NAALADL2: variants seen among roughly 807,000 people sequenced by gnomAD.
The protein encoded by NAALADL2 is N-acetylated alpha-linked acidic dipeptidase like 2, also known as inactive N-acetylated-alpha-linked acidic dipeptidase-like protein 2.
Under a neutral mutation model 87.2 loss-of-function variants are expected in NAALADL2, and 76 were observed. The ratio of observed to expected loss-of-function variants is 0.87; its 90% CI spans 0.72 to 1.05. The LOEUF (loss-of-function observed/expected upper bound fraction) is 1.05, where lower values mean the gene tolerates loss of function less well. NAALADL2 is among the 50% of genes least tolerant of loss of function. The probability of loss-of-function intolerance (pLI) is 0.00; values close to 1 mark genes in which losing one functional copy is unlikely to be tolerated. For synonymous variants in NAALADL2, 354 were observed against 331.0 expected, an observed-to-expected ratio of 1.07 and a Z score of -0.75; for missense variants, 1,089 against 945.8, an observed-to-expected ratio of 1.15 and a Z score of -1.99.
At chr3:175,423,103 A>C (rs984270437) in intron 5 of NAALADL2, among the ~76,000 whole-genome samples, 4 of 144,936 alleles carry the variant, frequency 2.8e-5, no homozygotes, top group Non-Finnish European at 6.0e-5. Context: ...TTTAGCTTTT[A>C]AAAAGATTTG....
In NAALADL2 at chr3:175,338,622, AACACACACACAC is replaced by A. The variant is rs202022603; in HGVS notation, c.1090+14327_1090+14338del. 3.8e-3 allele frequency among the ~76,000 whole-genome samples: 333 copies of A among 88,466 alleles called. 3 individuals are homozygous for A. The highest frequency in any genetic ancestry group is 0.016 in the East Asian group (43 of 2,730). 58.0% of individuals were successfully genotyped at this position (88,466 alleles called of 152,430 possible). On this transcript the variant is annotated intron_variant, in intron 5 of 13. Coordinates refer to ENST00000454872, the MANE Select transcript of NAALADL2 (RefSeq NM_207015.3). Reference sequence around the variant, plus strand: ...AAAAAAAAAAAAAAAAAACACCACAAACACACACACACACACACACACACACACACACACACA... The same window carrying A: ...AAAAAAAAAAAAAAAAAACACCACAAACACACACACACACACACACACACA...
At chr3:175,429,207 A>ACT in intron 5 of NAALADL2, among the ~76,000 whole-genome samples, 1 of 136,914 alleles carries the variant, frequency 7.3e-6, no homozygotes, top group Middle Eastern at 3.7e-3. Context: ...ACACACACAC[A>ACT]CACATATATA....
intron 3 of NAALADL2, among the ~76,000 whole-genome samples, chr3:174,754,008 A>G (rs549470661): frequency 1.3e-5 from 2 of 152,350 alleles, no homozygotes; most frequent in Admixed American, 6.5e-5. Flanking sequence ...TGCTGACACC[A>G]GATCTCAACT....
intron 2 of NAALADL2, among the ~76,000 whole-genome samples, chr3:174,614,000 G>T (rs1720199778): frequency 6.6e-6 from 1 of 152,160 alleles, no homozygotes; most frequent in Non-Finnish European, 1.5e-5. Context: ...TCCTAGAAAG[G>T]GGGTCTCAGG....
At chr3:175,496,110 G>A (rs928517318) in intron 9 of NAALADL2, among the ~76,000 whole-genome samples, 1 of 151,998 alleles carries the variant, frequency 6.6e-6, no homozygotes, top group Non-Finnish European at 1.5e-5. Flanking sequence ...ATTAATATGA[G>A]ATAATGCAAA....
chr3:175,100,838 CAAAAA>C (rs562200946), intron 2 of NAALADL2, among the ~76,000 whole-genome samples: 1 of 69,302 alleles, frequency 1.4e-5, no homozygotes, highest in Non-Finnish European at 3.2e-5. Flanking sequence ...GACTCTGTCT[CAAAAA>C]AAAAAAAAAA....
At chr3:174,653,892 T>C (rs1040468645) in intron 2 of NAALADL2, among the ~76,000 whole-genome samples, 3 of 152,190 alleles carry the variant, frequency 2.0e-5, no homozygotes, top group Non-Finnish European at 2.9e-5. Flanking sequence ...CTCCCTAATC[T>C]CATTGATACT....
intron 11 of NAALADL2, among the ~76,000 whole-genome samples, chr3:175,638,684 A>G (rs770627302): frequency 7.9e-5 from 12 of 152,220 alleles, no homozygotes; most frequent in Non-Finnish European, 1.6e-4. Context: ...TTATGATTAA[A>G]TTCCAAATAT....
At chr3:175,217,294 G>A (rs1004395106) in intron 2 of NAALADL2, among the ~76,000 whole-genome samples, 3 of 152,110 alleles carry the variant, frequency 2.0e-5, no homozygotes, top group Admixed American at 6.6e-5. Flanking sequence ...AGGAAAGCTC[G>A]CCCAGCAACA....
intron 10 of NAALADL2, among the ~76,000 whole-genome samples, chr3:175,609,192 C>G (rs10936860): frequency 0.65 from 97,923 of 151,144 alleles, 33,769 homozygotes; most frequent in East Asian, 0.85. Flanking sequence ...TTGGCCTCAT[C>G]ATCACAATTC....
At chr3:174,479,187 G>T (rs542807484) in intron 1 of NAALADL2, among the ~76,000 whole-genome samples, 3 of 152,246 alleles carry the variant, frequency 2.0e-5, no homozygotes, top group East Asian at 1.9e-4. Context: ...GGTGATAGAA[G>T]TATTGAGATA....
chr3:175,368,485 C>T (rs190031405), intron 5 of NAALADL2, among the ~76,000 whole-genome samples: 37 of 151,836 alleles, frequency 2.4e-4, no homozygotes, highest in African/African-American at 7.5e-4. Flanking sequence ...CCATCTGGTC[C>T]GAAAATAGTT....
At chr3:175,247,267 TACACACAC>T (rs778567684) in intron 3 of NAALADL2, among the ~76,000 whole-genome samples, 34 of 64,106 alleles carry the variant, frequency 5.3e-4, no homozygotes, top group African/African-American at 1.5e-3. Context: ...ATTATGTGTG[TACACACAC>T]ACACACACAC....
At chr3:174,877,051 CA>C (rs532020475) in intron 1 of NAALADL2, among the ~76,000 whole-genome samples, 5 of 152,202 alleles carry the variant, frequency 3.3e-5, no homozygotes, top group African/African-American at 1.2e-4. Context: ...ATGAGGGCCA[CA>C]ACCCCAAGAC....
At chr3:175,055,944 C>T (rs571790241) in intron 1 of NAALADL2, among the ~76,000 whole-genome samples, 6 of 152,080 alleles carry the variant, frequency 3.9e-5, no homozygotes, top group African/African-American at 1.4e-4. Flanking sequence ...AGAAAAAGGA[C>T]CAAATGTAGC....
At chr3:175,029,064 T>TATAA (rs1752525594) in intron 1 of NAALADL2, among the ~76,000 whole-genome samples, 1 of 148,344 alleles carries the variant, frequency 6.7e-6, no homozygotes, top group African/African-American at 2.5e-5. Context: ...TATATATATA[T>TATAA]AAAAAACTCA....
chr3:175,518,452 C>T (rs1472557843), intron 9 of NAALADL2, among the ~76,000 whole-genome samples: 1 of 152,208 alleles, frequency 6.6e-6, no homozygotes, highest in African/African-American at 2.4e-5. Context: ...AATATGTATA[C>T]ATACTGTCTT....
chr3:174,925,166 G>A (rs577896790), intron 1 of NAALADL2, among the ~76,000 whole-genome samples: 180 of 152,110 alleles, frequency 1.2e-3, no homozygotes, highest in Admixed American at 3.1e-3. Context: ...TATGAATGGT[G>A]TTGCCTAGGT....
intron 9 of NAALADL2, among the ~76,000 whole-genome samples, chr3:175,520,938 G>A (rs374804590): frequency 1.3e-5 from 2 of 152,156 alleles, no homozygotes; most frequent in Middle Eastern, 3.4e-3. Flanking sequence ...TAGAATCAAG[G>A]ATTAGAATCT....
Sources: allele counts gnomAD v4.1 joint callset (sites outside exome capture counted in the v4.1 genomes callset), GRCh38; gene constraint gnomAD v4.1.1; transcripts MANE v1.5; gene names NCBI Gene and HGNC (gene_info 2026-07-23, HGNC 2026-07-21).